The following MGST3 variants were observed in gnomAD, a reference collection of about 807,000 sequenced individuals.
The protein encoded by MGST3 is glutathione S-transferase 3, mitochondrial.
In MGST3, 13 loss-of-function variants were observed where a neutral mutation model predicts 15.8. That is an observed-to-expected ratio of 0.82 (90% CI 0.54 to 1.31). The LOEUF (loss-of-function observed/expected upper bound fraction) is 1.31. Among genes scored for constraint, MGST3 ranks in the 50% most tolerant of loss-of-function variants. The probability of loss-of-function intolerance (pLI) is 0.00; values close to 1 mark genes in which losing one functional copy is unlikely to be tolerated. For missense variants in MGST3, 155 were observed against 192.4 expected (o/e 0.81, Z 1.15); for synonymous variants, 49 against 68.1 (o/e 0.72, Z 1.38).
At chr1:165,650,244 G>T (rs1648515788) in intron 2 of MGST3, 2 of 457,174 alleles carry the variant, frequency 4.4e-6, no homozygotes, top group South Asian at 4.3e-5. Context: ...GGAGCTATTT[G>T]CTAGGAAGAG....
Position 165,649,902 on chromosome 1 carries a change from T to G in MGST3, c.55T>G (p.Phe19Val). 2 of 1,614,196 alleles carry G rather than the reference T, an allele frequency of 1.2e-6. No homozygotes were observed. The highest frequency in any genetic ancestry group is 1.7e-6 in the Non-Finnish European group (2 of 1,180,038). Residue 19 changes from phenylalanine to valine, a missense_variant, in exon 2 of 6, where the codon TTT becomes GTT. Transcript: ENST00000367889. ...TGTGCTTCTAACTGGTGCTGCCAGC[T>G]TTATAATGGTGGCCCACCTAGCCAT... ...GFVLLTGAASFIMVAHLAINV... is the reference protein window; with the variant it reads ...GFVLLTGAASVIMVAHLAINV...
chr1:165,637,845 C>G (rs944607990), intron 1 of MGST3, among the ~76,000 whole-genome samples: 4 of 152,180 alleles, frequency 2.6e-5, no homozygotes, highest in African/African-American at 9.6e-5. Flanking sequence ...TCTGATCACT[C>G]CTAAACTGAA....
chr1:165,636,549 A>G (rs539815019), intron 1 of MGST3, among the ~76,000 whole-genome samples: 90 of 152,194 alleles, frequency 5.9e-4, no homozygotes, highest in African/African-American at 2.1e-3. Context: ...CAGTCTGATC[A>G]ACATGGTAAA....
chr1:165,651,339 G>GT, intron 3 of MGST3: 2 of 537,088 alleles, frequency 3.7e-6, no homozygotes, highest in South Asian at 4.0e-5. Context: ...ACCTACTACA[G>GT]TTTTGCAGCA....
intron 1 of MGST3, chr1:165,635,702 A>T (rs1648091596): frequency 6.6e-6 from 1 of 152,184 alleles, no homozygotes. Flanking sequence ...ATATATTTGG[A>T]TTATAACATA....
chr1:165,642,252 G>A (rs924451696), intron 1 of MGST3, among the ~76,000 whole-genome samples: 1 of 152,188 alleles, frequency 6.6e-6, no homozygotes, highest in African/African-American at 2.4e-5. Flanking sequence ...GGCACATAGT[G>A]GGCACTCAGT....
intron 1 of MGST3, among the ~76,000 whole-genome samples, chr1:165,633,283 GA>G (rs1017927953): frequency 9.2e-5 from 14 of 152,174 alleles, no homozygotes; most frequent in Admixed American, 9.2e-4. Context: ...TAGGCAACAG[GA>G]AAATTGTACT....
intron 1 of MGST3, chr1:165,636,902 C>T (rs1648128176): frequency 6.6e-6 from 1 of 152,326 alleles, no homozygotes; most frequent in East Asian, 1.9e-4. Flanking sequence ...AGAAGTTAGG[C>T]TGTACAACTA....
chr1:165,652,140 G>C (rs1224040470), intron 4 of MGST3, 105 bp downstream of exon 4: 14 of 835,986 alleles, frequency 1.7e-5, no homozygotes, highest in Non-Finnish European at 2.9e-5. Flanking sequence ...TCAGTGTCTA[G>C]GCACTGCATA....
At chr1:165,633,748 A>G (rs2101712277) in intron 1 of MGST3, among the ~76,000 whole-genome samples, 1 of 150,496 alleles carries the variant, frequency 6.6e-6, no homozygotes, top group Non-Finnish European at 1.5e-5. Context: ...AAGTGGTGTC[A>G]ATGTGACTCA....
intron 4 of MGST3, among the ~76,000 whole-genome samples, chr1:165,652,888 A>G (rs550487603): frequency 2.0e-5 from 3 of 152,338 alleles, no homozygotes; most frequent in Admixed American, 2.0e-4. Context: ...AAGCAAGTTT[A>G]TCAGCCTCTA....
chr1:165,651,318 A>C (rs1648548539), intron 3 of MGST3: 1 of 575,930 alleles, frequency 1.7e-6, no homozygotes, highest in Non-Finnish European at 3.1e-6. Flanking sequence ...AAATGTCTTC[A>C]TGGTTGCATT....
chr1:165,652,969 A>C (rs1453788607), intron 4 of MGST3, among the ~76,000 whole-genome samples: 1 of 152,198 alleles, frequency 6.6e-6, no homozygotes, highest in African/African-American at 2.4e-5. Context: ...ATCTCCTGAA[A>C]CCAAGTTCTG....
intron 1 of MGST3, among the ~76,000 whole-genome samples, chr1:165,642,250 G>T (rs1426756928): frequency 6.6e-6 from 1 of 152,206 alleles, no homozygotes; most frequent in Non-Finnish European, 1.5e-5. Flanking sequence ...GTGGCACATA[G>T]TGGGCACTCA....
chr1:165,651,311 T>C, intron 3 of MGST3: 1 of 584,508 alleles, frequency 1.7e-6, no homozygotes, highest in Non-Finnish European at 3.1e-6. Context: ...TTTCAAAAAA[T>C]GTCTTCATGG....
In MGST3 at chr1:165,631,266, C is replaced by G. The variant is rs896213816; in HGVS notation, c.-35C>G. ...CCACACCGCGCTGCGCAGTTTTGTTCTGCTCCAGCTGTTCGAAGGTGATCC... is the reference window on the plus strand; with the variant it reads ...CCACACCGCGCTGCGCAGTTTTGTTGTGCTCCAGCTGTTCGAAGGTGATCC... On this transcript the variant is annotated 5_prime_UTR_variant, in exon 1 of 6. Transcript: ENST00000367889. 1.3e-5 allele frequency: 2 copies of G among 152,768 alleles called. No homozygotes were observed. Among genetic ancestry groups the G allele is most frequent in the African/African-American group, 2.4e-5 (1 of 41,468 alleles). The allele number at this position is 152,768 out of a possible 1,614,324, so 9.5% of individuals were successfully genotyped here. A position where few individuals can be genotyped will look rare whatever the true frequency, so the allele number is the denominator to read the frequency against.
At chr1:165,645,464 TTTACAGTTA>T in intron 1 of MGST3, among the ~76,000 whole-genome samples, 1 of 152,132 alleles carries the variant, frequency 6.6e-6, no homozygotes, top group Non-Finnish European at 1.5e-5. Flanking sequence ...TTGCACCTGT[TTTACAGTTA>T]ACATTTTTTT....
At chr1:165,651,283 G>A in intron 3 of MGST3, 196 bp downstream of exon 3, 1 of 609,984 alleles carries the variant, frequency 1.6e-6, no homozygotes, top group South Asian at 1.9e-5. Flanking sequence ...TTGGAATGGT[G>A]GGATTTCGGG....
intron 1 of MGST3, chr1:165,645,581 T>C (rs1371472742): frequency 6.6e-6 from 1 of 152,248 alleles, no homozygotes; most frequent in African/African-American, 2.4e-5. Flanking sequence ...AAGTGTTATG[T>C]GCTGTACATA....
Sources: gnomAD v4.1 joint callset for allele counts (sites outside exome capture counted in the v4.1 genomes callset) on GRCh38, gnomAD v4.1.1 for gene constraint, MANE v1.5 for transcripts, NCBI Gene and HGNC (gene_info 2026-07-23, HGNC 2026-07-21) for gene names.